Variants in TMEM232 observed in about 807,000 individuals in gnomAD.
TMEM232 encodes the protein transmembrane protein 232.
A neutral mutation model predicts 78.8 loss-of-function variants in TMEM232; 80 were observed. That is an observed-to-expected ratio of 1.01 (90% CI 0.85 to 1.22). The LOEUF (loss-of-function observed/expected upper bound fraction) is 1.22, where lower values mean the gene tolerates loss of function less well. Ranked by LOEUF, TMEM232 falls within the 50% of genes most tolerant of loss-of-function variation. TMEM232 has a pLI of 0.00. For synonymous variants in TMEM232, 297 were observed against 254.3 expected (o/e 1.17, Z -1.60); for missense variants, 881 against 742.2 (o/e 1.19, Z -2.17).
chr5:110,549,151 T>C (rs1207755287), intron 11 of TMEM232, among the ~76,000 whole-genome samples: 1 of 152,002 alleles, frequency 6.6e-6, no homozygotes, highest in Non-Finnish European at 1.5e-5. Context: ...ACAAAACACA[T>C]ATTAGAAAAG....
At chr5:110,437,853 T>C (rs534171868) in intron 12 of TMEM232, among the ~76,000 whole-genome samples, 1 of 152,222 alleles carries the variant, frequency 6.6e-6, no homozygotes, top group South Asian at 2.1e-4. Context: ...GGCCATATAT[T>C]GGGCTTGCTT....
At chr5:110,401,229 A>G (rs2112569219) in intron 2 of TMEM232, among the ~76,000 whole-genome samples, 1 of 152,080 alleles carries the variant, frequency 6.6e-6, no homozygotes, top group African/African-American at 2.4e-5. Flanking sequence ...TTTTAAGGTA[A>G]TGCATATAGT....
chr5:110,511,601 A>C (rs1767762518), intron 12 of TMEM232, among the ~76,000 whole-genome samples: 2 of 152,112 alleles, frequency 1.3e-5, no homozygotes, highest in Admixed American at 1.3e-4. Flanking sequence ...AGGTACTGTA[A>C]TAAACACATT....
rs571248122 is a variant in TMEM232, at chr5:110,603,477, T to C, written c.1276+1632A>G. On this transcript the variant is annotated intron_variant, in intron 10 of 13. Coordinates refer to ENST00000455884, the MANE Select transcript of TMEM232 (RefSeq NM_001039763.4). ...GATTCTTCCCATGGAGGGCCTTTTC[T>C]GGACCTACCACTAGAAGTGAGGAAA... Among the ~76,000 whole-genome samples the C allele has an allele frequency of 2.0e-4, 30 of 152,152 alleles. No homozygotes were observed. In the East Asian group the frequency reaches 5.8e-3, roughly 29 times the overall value.
intron 11 of TMEM232, among the ~76,000 whole-genome samples, chr5:110,533,188 T>A (rs77674489): frequency 0.04 from 6,158 of 152,234 alleles, 198 homozygotes; most frequent in African/African-American, 0.086. Context: ...GCAGATTACC[T>A]AGGCTGTACT....
chr5:110,443,448 T>G lies in TMEM232; in HGVS notation c.1704-18532A>C, dbSNP rs372915796. ...GGCTTTTCAGTCAGCTTGTGGTGAA[T>G]TATCCCACGCCTAGGACTCACCTCT... is the stretch of plus-strand genomic sequence containing the variant. On this transcript the variant is annotated intron_variant, in intron 12 of 13. Coordinates refer to ENST00000455884, the MANE Select transcript of TMEM232 (RefSeq NM_001039763.4). Among the ~76,000 whole-genome samples the G allele has an allele frequency of 6.6e-5, 10 of 152,248 alleles. 1 individual carries two copies. The East Asian group carries it at 7.7e-4, about 12-fold the overall frequency.
At chr5:110,701,494 G>C (rs139382782) in intron 1 of TMEM232, among the ~76,000 whole-genome samples, 1,681 of 152,090 alleles carry the variant, frequency 0.011, 33 homozygotes, top group African/African-American at 0.039. Context: ...TTTGTACAAG[G>C]TTTGAGCATT....
chr5:110,607,511 CA>C, intron 8 of TMEM232, among the ~76,000 whole-genome samples: 1 of 152,126 alleles, frequency 6.6e-6, no homozygotes, highest in South Asian at 2.1e-4. Flanking sequence ...TTAGCCCCCT[CA>C]AGATGGAATT....
chr5:110,420,452 C>A lies in TMEM232; in HGVS notation c.*128G>T. 1 of 599,570 alleles carries A rather than the reference C, an allele frequency of 1.7e-6. No individual in the cohort carries two copies. 37.1% of individuals were successfully genotyped at this position (599,570 alleles called of 1,614,324 possible). A position where few individuals can be genotyped will look rare whatever the true frequency, so the allele number is the denominator to read the frequency against. On this transcript the variant is annotated 3_prime_UTR_variant, in exon 14 of 14. Coordinates refer to ENST00000455884, the MANE Select transcript of TMEM232 (RefSeq NM_001039763.4). ...ACAGCTTGTATCAGGAAAACAAATT[C>A]TTTCTAAACAATACCTCCATTTAAT... is the stretch of plus-strand genomic sequence containing the variant.
At chr5:110,611,222 T>C (rs1782231689) in intron 8 of TMEM232, among the ~76,000 whole-genome samples, 1 of 152,156 alleles carries the variant, frequency 6.6e-6, no homozygotes, top group African/African-American at 2.4e-5. Flanking sequence ...GTCTCAGTTG[T>C]TACTGCACAT....
intron 11 of TMEM232, among the ~76,000 whole-genome samples, chr5:110,544,857 A>G (rs1013382624): frequency 2.0e-5 from 3 of 152,108 alleles, no homozygotes; most frequent in Admixed American, 6.6e-5. Context: ...AGTACCTGGG[A>G]GCATGTTATC....
chr5:110,483,650 AATG>A (rs976873696), intron 12 of TMEM232, among the ~76,000 whole-genome samples: 7 of 152,138 alleles, frequency 4.6e-5, no homozygotes, highest in Admixed American at 1.3e-4. Context: ...CCTAATGTTA[AATG>A]ATGAGTTAAT....
chr5:110,659,660 T>A (rs1789534905), intron 2 of TMEM232, among the ~76,000 whole-genome samples: 1 of 152,082 alleles, frequency 6.6e-6, no homozygotes, highest in African/African-American at 2.4e-5. Flanking sequence ...AGACACATAT[T>A]ATAAAATTAT....
At chr5:110,496,611 G>C (rs1273502538) in intron 12 of TMEM232, among the ~76,000 whole-genome samples, 4 of 151,994 alleles carry the variant, frequency 2.6e-5, no homozygotes, top group Admixed American at 1.3e-4. Flanking sequence ...AGATGTCTCA[G>C]ATGAGAGGAC....
chr5:110,549,147 C>G (rs1476175138), intron 11 of TMEM232, among the ~76,000 whole-genome samples: 1 of 151,578 alleles, frequency 6.6e-6, no homozygotes, highest in Non-Finnish European at 1.5e-5. Flanking sequence ...GTGTACAAAA[C>G]ACATATTAGA....
chr5:110,481,919 C>G (rs1172701951), intron 12 of TMEM232, among the ~76,000 whole-genome samples: 2 of 152,116 alleles, frequency 1.3e-5, no homozygotes, highest in African/African-American at 4.8e-5. Context: ...AGACAACTGG[C>G]TCTTAGCGCA....
At chr5:110,603,335 G>GA (rs1399743614) in intron 10 of TMEM232, among the ~76,000 whole-genome samples, 3 of 151,866 alleles carry the variant, frequency 2.0e-5, no homozygotes, top group Admixed American at 1.3e-4. Context: ...TGTTGAGGAG[G>GA]AAAAAAATGT....
At chr5:110,540,025 G>A (rs1280046227) in intron 11 of TMEM232, among the ~76,000 whole-genome samples, 1 of 152,142 alleles carries the variant, frequency 6.6e-6, no homozygotes, top group East Asian at 1.9e-4. Flanking sequence ...CAACAAGGGG[G>A]CCTGAAAATG....
At chr5:110,440,302 GT>G (rs1758888986) in intron 12 of TMEM232, among the ~76,000 whole-genome samples, 1 of 152,120 alleles carries the variant, frequency 6.6e-6, no homozygotes, top group African/African-American at 2.4e-5. Flanking sequence ...TAAGCCTGCT[GT>G]GTTGCCATTC....
Sources: allele counts gnomAD v4.1 joint callset (sites outside exome capture counted in the v4.1 genomes callset), GRCh38; gene constraint gnomAD v4.1.1; transcripts MANE v1.5; gene names NCBI Gene and HGNC (gene_info 2026-07-23, HGNC 2026-07-21).